Variants in HSPG2 observed in about 807,000 individuals in gnomAD.
HSPG2 encodes basement membrane-specific heparan sulfate proteoglycan core protein.
In HSPG2, 278 loss-of-function variants were observed where a neutral mutation model predicts 526.6. The ratio of observed to expected loss-of-function variants is 0.53; its 90% CI spans 0.48 to 0.58. HSPG2 has a LOEUF of 0.58. HSPG2 is among the 20% of genes least tolerant of loss of function. The probability of loss-of-function intolerance (pLI) is 0.00; values close to 1 mark genes in which losing one functional copy is unlikely to be tolerated. For synonymous variants in HSPG2, 2,465 were observed against 2,555.4 expected, an observed-to-expected ratio of 0.96 and a Z score of 1.07; for missense variants, 5,354 against 6,099.5, an observed-to-expected ratio of 0.88 and a Z score of 4.07.
rs373479774 is a variant in HSPG2 at position 21,879,031 on chromosome 1, G to A, written c.2434C>T (p.Arg812Trp). Reference protein sequence around the residue: ...DAMKATATSCRPCPCPYIDAS... With the variant: ...DAMKATATSCWPCPCPYIDAS... ...TCGATGTATGGGCAAGGGCAGGGCC[G>A]GCAGGAAGTGGCCGTGGCCTTCATG... The change falls in exon 18 of 97, where the codon CGG (arginine) becomes TGG (tryptophan). Residue 812 changes from arginine to tryptophan, a missense_variant. By Grantham distance (101) the Arg-to-Trp change is moderately radical. Coordinates refer to ENST00000374695, the MANE Select transcript of HSPG2 (RefSeq NM_005529.7). The A allele has an allele frequency of 4.0e-5, 65 of 1,614,056 alleles. No homozygotes were observed. The highest frequency in any genetic ancestry group is 5.5e-5 in the South Asian group (5 of 91,088).
rs112271291 is a variant in HSPG2, at chr1:21,935,991, G to A, written c.63+1164C>T. On this transcript the variant is annotated intron_variant, in intron 1 of 96. Coordinates refer to ENST00000374695, the MANE Select transcript of HSPG2 (RefSeq NM_005529.7). ...GAGTGACTCAGGAGGGTAGAGGTGC[G>A]ATGAAGCCAGGAAGGTGAGGCCAGG... Among the ~76,000 whole-genome samples, 4 of 152,094 alleles carry A rather than the reference G, an allele frequency of 2.6e-5. No individual in the cohort carries two copies. The South Asian group carries it at 6.2e-4, about 24-fold the overall frequency.
intron 1 of HSPG2, among the ~76,000 whole-genome samples, chr1:21,928,019 C>T (rs954221165): frequency 5.3e-5 from 8 of 152,226 alleles, no homozygotes. Context: ...AAATACCTGC[C>T]ACATTCCAGG....
chr1:21,854,941 C>T lies in HSPG2; in HGVS notation c.6040G>A (p.Ala2014Thr), dbSNP rs1401685751. 3 of 1,614,052 alleles carry T rather than the reference C, an allele frequency of 1.9e-6. No homozygotes were observed. Among genetic ancestry groups the T allele is most frequent in the South Asian group, 1.1e-5 (1 of 91,084 alleles). The change falls in exon 48 of 97, where the codon GCC (alanine) becomes ACC (threonine). Residue 2014 changes from alanine (A) to threonine (T), a missense_variant. By Grantham distance (58) the Ala-to-Thr change is moderately conservative. Coordinates refer to ENST00000374695, the MANE Select transcript of HSPG2 (RefSeq NM_005529.7). Reference sequence around the variant, plus strand: ...AAGCCGGCGTCAGCAGTCGTGATGGCTGGGATGAGCAGTGTCGCGATGTCT... The same window carrying T: ...AAGCCGGCGTCAGCAGTCGTGATGGTTGGGATGAGCAGTGTCGCGATGTCT... ...RTDIATLLIP[A>T]ITTADAGFYL...
chr1:21,835,509 T>C, intron 76 of HSPG2, 31 bp downstream of exon 76: 1 of 1,443,724 alleles, frequency 6.9e-7, no homozygotes, highest in Non-Finnish European at 9.8e-7. Context: ...TGTTCCCTGC[T>C]CTTAGCAGAG....
chr1:21,835,530 AC>A lies in HSPG2; in HGVS notation c.10453+9del. ...CTGCTCTTAGCAGAGGCCTGAAGCC[AC>A]CCTCCTACCTTGGATAACCAGCTGG... On this transcript the variant is annotated intron_variant, in intron 76 of 96. Coordinates refer to ENST00000374695, the MANE Select transcript of HSPG2 (RefSeq NM_005529.7). The A allele has an allele frequency of 6.2e-7, 1 of 1,601,462 alleles. No individual in the cohort carries two copies. The highest frequency in any genetic ancestry group is 8.6e-7 in the Non-Finnish European group (1 of 1,168,662).
intron 50 of HSPG2, among the ~76,000 whole-genome samples, 163 bp downstream of exon 50, chr1:21,854,030 C>G (rs1189792579): frequency 1.3e-5 from 2 of 152,138 alleles, no homozygotes; most frequent in African/African-American, 4.8e-5. Context: ...CAGCCTTAAC[C>G]TCCCTCCCGT....
At chr1:21,903,339 GC>G (rs1251509622) in intron 1 of HSPG2, among the ~76,000 whole-genome samples, 2 of 152,196 alleles carry the variant, frequency 1.3e-5, no homozygotes, top group African/African-American at 4.8e-5. Context: ...GGTGGCTCAC[GC>G]CTGTAGTCCC....
intron 1 of HSPG2, among the ~76,000 whole-genome samples, chr1:21,926,361 A>T (rs758044451): frequency 1.8e-4 from 27 of 152,048 alleles, no homozygotes; most frequent in Non-Finnish European, 3.2e-4. Flanking sequence ...CAGGACAGGG[A>T]AGAGACTGGT....
At chr1:21,903,938 A>T (rs1292551529) in intron 1 of HSPG2, among the ~76,000 whole-genome samples, 1 of 152,240 alleles carries the variant, frequency 6.6e-6, no homozygotes, top group Admixed American at 6.5e-5. Flanking sequence ...CACCCTGGCC[A>T]TATTCTAGCT....
chr1:21,908,760 A>G (rs1421491947), intron 1 of HSPG2, among the ~76,000 whole-genome samples: 1 of 152,186 alleles, frequency 6.6e-6, no homozygotes, highest in Non-Finnish European at 1.5e-5. Context: ...CTGACACTCT[A>G]AAACATTAGG....
In HSPG2 at chr1:21,879,908, T is replaced by C. The variant is rs544362511; in HGVS notation, c.2343+199A>G. 2.0e-5 allele frequency among the ~76,000 whole-genome samples: 3 copies of C among 152,322 alleles called. No homozygotes were observed. In the South Asian group the frequency reaches 6.2e-4, roughly 32 times the overall value. On this transcript the variant is annotated intron_variant, in intron 17 of 96. Coordinates refer to ENST00000374695, the MANE Select transcript of HSPG2 (RefSeq NM_005529.7). ...CCTCAAGTGATCCACCCATCTAGGCTTCCCAAAGTGCTGGGATTACAGGCA... is the reference window on the plus strand; with the variant it reads ...CCTCAAGTGATCCACCCATCTAGGCCTCCCAAAGTGCTGGGATTACAGGCA...
At chr1:21,835,052 C>G in intron 76 of HSPG2, 107 bp from the exon 77 acceptor site, 1 of 1,236,068 alleles carries the variant, frequency 8.1e-7, no homozygotes, top group Admixed American at 1.8e-5. Flanking sequence ...CTCCAGCATT[C>G]ATTCACTCCT....
Position 21,842,133 on chromosome 1 carries a change from C to A in HSPG2, c.9062G>T (p.Ser3021Ile), listed in dbSNP as rs751030634. Residue 3021 changes from serine to isoleucine, a missense_variant, in exon 69 of 97, where the codon AGC becomes ATC. Ser to Ile is a moderately radical substitution (Grantham distance 142, BLOSUM62 -2). Coordinates refer to ENST00000374695, the MANE Select transcript of HSPG2 (RefSeq NM_005529.7). ...GGGCGGGTCGATGGAGATGACCGGG[C>A]TCCTAAGGCCTGGGGCCAAAGGGGC... Reference protein sequence around the residue: ...PSEGSSYRLRSPVISIDPPSS... With the variant: ...PSEGSSYRLRIPVISIDPPSS... The A allele has an allele frequency of 3.7e-6, 6 of 1,613,734 alleles. No individual in the cohort carries two copies. The highest frequency in any genetic ancestry group is 5.1e-6 in the Non-Finnish European group (6 of 1,180,010).
chr1:21,833,453 G>A lies in HSPG2; in HGVS notation c.10978+14C>T. The A allele has an allele frequency of 6.2e-7, 1 of 1,614,196 alleles. No homozygotes were observed. On this transcript the variant is annotated intron_variant, in intron 79 of 96. Coordinates refer to ENST00000374695, the MANE Select transcript of HSPG2 (RefSeq NM_005529.7). Reference sequence around the variant, plus strand: ...TGGGCAGGGCACTGCCAATTCTTAGGGGTGGTGTCTTACCTGGCACCTGCA... The same window carrying A: ...TGGGCAGGGCACTGCCAATTCTTAGAGGTGGTGTCTTACCTGGCACCTGCA...
rs770199533 is a variant in HSPG2, at chr1:21,865,830, A to C, written c.4222-21T>G. On this transcript the variant is annotated intron_variant, in intron 33 of 96. Coordinates refer to ENST00000374695, the MANE Select transcript of HSPG2 (RefSeq NM_005529.7). This position sits in a 1 kb window ranked among gnomAD's most constrained non-coding sequence, Gnocchi z 5.4. ...GCCACCTGCAAAGAGGCAAGCCCAG[A>C]GGTCACAGGCTGACCTTGGGGTGTG... The C allele has an allele frequency of 6.3e-7, 1 of 1,594,430 alleles. No individual in the cohort carries two copies. The highest frequency in any genetic ancestry group is 2.2e-5 in the East Asian group (1 of 44,774).
chr1:21,899,099 G>A (rs1263290102), intron 1 of HSPG2, among the ~76,000 whole-genome samples: 3 of 152,182 alleles, frequency 2.0e-5, no homozygotes, highest in African/African-American at 7.2e-5. Flanking sequence ...GGACTCCAGA[G>A]CACGGGTCCC....
rs758412757 is a variant in HSPG2, at chr1:21,887,568, G to A, written c.810C>T (p.His270=). The change falls in exon 8 of 97, where the codon CAC becomes CAT. Residue 270 remains histidine, a synonymous_variant. Coordinates refer to ENST00000374695, the MANE Select transcript of HSPG2 (RefSeq NM_005529.7). This position sits in a 1 kb window ranked among gnomAD's most constrained non-coding sequence, Gnocchi z 5.0. ...TTIMRQPPVT[H]APQPLLPGSV... ...AACCGGGAAGCAGGGGCTGAGGAGC[G>A]TGGGTGACTGGTGGCTGTCGCATGA... 1.5e-5 allele frequency: 24 copies of A among 1,614,000 alleles called. No individual in the cohort carries two copies. The Middle Eastern group carries it at 9.9e-4, about 67-fold the overall frequency.
Position 21,859,857 on chromosome 1 carries a change from G to T in HSPG2, c.5160C>A (p.Ser1720Arg), listed in dbSNP as rs138980184. The T allele has an allele frequency of 5.0e-6, 8 of 1,611,250 alleles. No individual in the cohort carries two copies. Among genetic ancestry groups the T allele is most frequent in the Non-Finnish European group, 5.9e-6 (7 of 1,179,622 alleles). The change falls in exon 41 of 97, where the codon AGC becomes AGA. Residue 1720 changes from serine to arginine, a missense_variant. By Grantham distance (110) the Ser-to-Arg change is moderately radical (BLOSUM62 -1). Coordinates refer to ENST00000374695, the MANE Select transcript of HSPG2 (RefSeq NM_005529.7). This position sits in a 1 kb window ranked among gnomAD's most constrained non-coding sequence, Gnocchi z 5.3. ...TACCTTGATGTCGCTGCTGGGTGCC[G>T]CTGGGCACAGGCCGCCCATCCTCAC... Reference protein sequence around the residue: ...WSREDGRPVPSGTQQRHQGSE... With the variant: ...WSREDGRPVPRGTQQRHQGSE...
At chr1:21,877,440 T>G (rs1186384946) in intron 21 of HSPG2, 2 of 152,048 alleles carry the variant, frequency 1.3e-5, no homozygotes, top group Non-Finnish European at 2.9e-5. Context: ...AGACCAGGAG[T>G]GCCTGACTCC....
Sources: allele counts gnomAD v4.1 joint callset (sites outside exome capture counted in the v4.1 genomes callset), GRCh38; gene constraint gnomAD v4.1.1; non-coding constraint Gnocchi (gnomAD v3.1); transcripts MANE v1.5; gene names NCBI Gene and HGNC (gene_info 2026-07-23, HGNC 2026-07-21).